PPP2R2C: variants seen among roughly 807,000 people sequenced by gnomAD.
PPP2R2C encodes protein phosphatase 2, regulatory subunit B, gamma.
A neutral mutation model predicts 45.3 loss-of-function variants in PPP2R2C; 10 were observed. The ratio of observed to expected loss-of-function variants is 0.22; its 90% CI spans 0.14 to 0.37. PPP2R2C has a LOEUF of 0.37. Ranked by LOEUF, PPP2R2C falls within the 10% of genes least tolerant of loss-of-function variation. The pLI is 1.00. For missense variants in PPP2R2C, 308 were observed against 619.7 expected (o/e 0.50, Z 5.34); for synonymous variants, 257 against 245.4 (o/e 1.05, Z -0.44).
intron 1 of PPP2R2C, among the ~76,000 whole-genome samples, chr4:6,549,992 C>G (rs1725129657): frequency 6.6e-6 from 1 of 152,146 alleles, no homozygotes; most frequent in African/African-American, 2.4e-5. Flanking sequence ...GGTCTGGCAG[C>G]ACCACAGTGC....
intron 1 of PPP2R2C, among the ~76,000 whole-genome samples, chr4:6,560,449 C>G (rs939935012): frequency 9.9e-5 from 15 of 152,216 alleles, no homozygotes; most frequent in African/African-American, 3.6e-4. Flanking sequence ...CTGAAAGGCT[C>G]TCCGCCACTA....
At chr4:6,347,741 C>A (rs1712127732) in intron 6 of PPP2R2C, 105 bp downstream of exon 6, 8 of 1,408,552 alleles carry the variant, frequency 5.7e-6, no homozygotes, top group Non-Finnish European at 7.6e-6. Context: ...CCAGGACATG[C>A]TCATCCCACA....
chr4:6,430,503 G>A (rs1178737243), intron 1 of PPP2R2C, among the ~76,000 whole-genome samples: 5 of 152,208 alleles, frequency 3.3e-5, no homozygotes, highest in African/African-American at 9.7e-5. Flanking sequence ...CAAAGTCTCC[G>A]TGAAGAAAGC....
Position 6,429,663 on chromosome 4 carries a change from C to T in PPP2R2C, c.70+42497G>A, listed in dbSNP as rs982428217. ...CTTGTTGTCTGTAATAAGAAAGCTC[C>T]GACAGGGATGAAAAGCCAATTTTAT... On this transcript the variant is annotated intron_variant, in intron 1 of 8. Coordinates refer to ENST00000382599, the MANE Select transcript of PPP2R2C (RefSeq NM_020416.4). 9.9e-5 allele frequency among the ~76,000 whole-genome samples: 15 copies of T among 152,092 alleles called. 1 individual carries two copies. Among genetic ancestry groups the T allele is most frequent in the Admixed American group, 2.0e-4 (3 of 15,268 alleles).
chr4:6,403,711 A>T (rs1179245928), intron 1 of PPP2R2C, among the ~76,000 whole-genome samples: 3 of 152,056 alleles, frequency 2.0e-5, no homozygotes, highest in African/African-American at 7.2e-5. Flanking sequence ...AAAAATACAA[A>T]AGTTAGCTGG....
chr4:6,463,864 T>A (rs1243880379), intron 1 of PPP2R2C, among the ~76,000 whole-genome samples: 3 of 152,198 alleles, frequency 2.0e-5, no homozygotes, highest in Non-Finnish European at 2.9e-5. Flanking sequence ...CCCTCTCGAT[T>A]GCCTTTCATC....
At chr4:6,393,290 T>C (rs1162491800) in intron 1 of PPP2R2C, among the ~76,000 whole-genome samples, 1 of 152,184 alleles carries the variant, frequency 6.6e-6, no homozygotes, top group Non-Finnish European at 1.5e-5. Context: ...TTCCTGTTTC[T>C]ATGGATTTTG....
rs1722896077 is a variant in PPP2R2C at position 6,496,874 on chromosome 4, T to TAAATAAATAAATAAAG, written c.49+38396_49+38397insCTTTATTTATTTATTT. ...AAAACTCCATCTCAAAATAAATAAA[T>TAAATAAATAAATAAAG]AAATAAATAAATAAATAAATAAATA... On this transcript the variant is annotated intron_variant, in intron 2 of 9. Coordinates refer to the PPP2R2C transcript ENST00000506140. Among the ~76,000 whole-genome samples, 3 of 150,028 alleles carry TAAATAAATAAATAAAG rather than the reference T, an allele frequency of 2.0e-5. No homozygotes were observed. The South Asian group carries it at 6.4e-4, about 32-fold the overall frequency.
At chr4:6,454,969 C>T (rs1720939912) in intron 1 of PPP2R2C, among the ~76,000 whole-genome samples, 1 of 152,172 alleles carries the variant, frequency 6.6e-6, no homozygotes, top group South Asian at 2.1e-4. Flanking sequence ...AGGTGGTGCA[C>T]CACACGGCTC....
chr4:6,510,999 A>AC, intron 2 of PPP2R2C, among the ~76,000 whole-genome samples: 1 of 30,554 alleles, frequency 3.3e-5, no homozygotes, highest in African/African-American at 6.5e-5. Context: ...ACAAACAAAC[A>AC]AAAAAAAAAA....
intron 1 of PPP2R2C, among the ~76,000 whole-genome samples, chr4:6,445,823 C>A (rs796627134): frequency 9.7e-5 from 11 of 113,956 alleles, no homozygotes; most frequent in African/African-American, 3.5e-4. Context: ...AAATGTCTCA[C>A]ACCAACATGA....
At chr4:6,416,178 A>AATGCTCCTCCCTTCCTC (rs772999023) in intron 1 of PPP2R2C, among the ~76,000 whole-genome samples, 2 of 151,772 alleles carry the variant, frequency 1.3e-5, no homozygotes, top group Admixed American at 6.6e-5. Context: ...CAAGGATAAC[A>AATGCTCCTCCCTTCCTC]ACCTTCCATA....
intron 1 of PPP2R2C, among the ~76,000 whole-genome samples, chr4:6,427,273 A>T (rs1262076335): frequency 1.3e-5 from 2 of 152,224 alleles, no homozygotes; most frequent in African/African-American, 4.8e-5. Context: ...TGGAGAATGA[A>T]GGACAGTTTA....
chr4:6,340,401 C>T (rs1696978730), intron 6 of PPP2R2C, among the ~76,000 whole-genome samples: 1 of 152,102 alleles, frequency 6.6e-6, no homozygotes, highest in Non-Finnish European at 1.5e-5. Context: ...GCTCCTGATG[C>T]CCTTCATGGA....
intron 2 of PPP2R2C, among the ~76,000 whole-genome samples, chr4:6,526,444 G>A (rs1013181860): frequency 6.6e-6 from 1 of 152,162 alleles, no homozygotes; most frequent in Non-Finnish European, 1.5e-5. Flanking sequence ...TTGTTTTTGG[G>A]GTGATGAAAA....
chr4:6,464,105 C>T (rs1188843074), intron 1 of PPP2R2C, among the ~76,000 whole-genome samples: 2 of 152,194 alleles, frequency 1.3e-5, no homozygotes, highest in Non-Finnish European at 2.9e-5. Flanking sequence ...GTTTTCTCCT[C>T]TGTAAAATGG....
At chr4:6,403,264 C>T (rs889555529) in intron 1 of PPP2R2C, among the ~76,000 whole-genome samples, 1 of 152,236 alleles carries the variant, frequency 6.6e-6, no homozygotes, top group African/African-American at 2.4e-5. Flanking sequence ...GATTGATCAT[C>T]TCAGAGGTCG....
At chr4:6,456,134 T>C (rs1721014200) in intron 1 of PPP2R2C, among the ~76,000 whole-genome samples, 1 of 152,270 alleles carries the variant, frequency 6.6e-6, no homozygotes, top group African/African-American at 2.4e-5. Context: ...TGAAGTATTA[T>C]GCAGCCAATA....
intron 2 of PPP2R2C, among the ~76,000 whole-genome samples, chr4:6,512,230 GTGATGGTGGGGGTGGTGGTGGTGA>G (rs1723619745): frequency 1.1e-5 from 1 of 93,674 alleles, no homozygotes. Context: ...GTTGGTGGTG[GTGATGGTGGGGGTGGTGGTGGTGA>G]TGGTGGTGGT....
Sources: gnomAD v4.1 joint callset for allele counts (sites outside exome capture counted in the v4.1 genomes callset) on GRCh38, gnomAD v4.1.1 for gene constraint, MANE v1.5 for transcripts, NCBI Gene and HGNC (gene_info 2026-07-23, HGNC 2026-07-21) for gene names.